The following DHX16 variants were observed in gnomAD, a reference collection of about 807,000 sequenced individuals.
The protein encoded by DHX16 is pre-mRNA-splicing factor ATP-dependent RNA helicase DHX16.
Under a neutral mutation model 131.2 loss-of-function variants are expected in DHX16, and 81 were observed. That is an observed-to-expected ratio of 0.62 (90% CI 0.52 to 0.74). The LOEUF is 0.74. Ranked by LOEUF, DHX16 falls within the 30% of genes least tolerant of loss-of-function variation. The probability of loss-of-function intolerance (pLI) is 0.00; values close to 1 mark genes in which losing one functional copy is unlikely to be tolerated. For synonymous variants in DHX16, 440 were observed against 520.2 expected (o/e 0.85, Z 2.10); for missense variants, 980 against 1,363.1 (o/e 0.72, Z 4.43).
At chr6:30,672,585 C>G (rs1354605283) in intron 1 of DHX16, 50 bp downstream of exon 1, 1 of 1,522,368 alleles carries the variant, frequency 6.6e-7, no homozygotes, top group East Asian at 2.3e-5. Context: ...GACCGTTAGG[C>G]CAGCCTCACC....
intron 19 of DHX16, among the ~76,000 whole-genome samples, chr6:30,653,751 CTAT>C (rs1367922385): frequency 7.0e-6 from 1 of 143,432 alleles, no homozygotes; most frequent in East Asian, 2.0e-4. Context: ...GTGCCTGGCT[CTAT>C]TATTATATAC....
Position 30,664,822 on chromosome 6 carries a change from G to A in DHX16, c.1296C>T (p.Ile432=). The change falls in exon 7 of 20, where the codon ATC becomes ATT. Residue 432 remains isoleucine, a synonymous_variant. Transcript: ENST00000376442. The stretch of plus-strand genomic sequence containing the variant: ...GTACCTCCTCAAAGAGATACTGCGG[G>A]ATCTGGGTGGTCTTCCCTGAGCCTG... The part of the protein sequence containing the change: ...GETGSGKTTQ[I]PQYLFEEGYT... 1.2e-6 allele frequency: 2 copies of A among 1,613,004 alleles called. No individual in the cohort carries two copies. Among genetic ancestry groups the A allele is most frequent in the African/African-American group, 1.3e-5 (1 of 75,060 alleles).
rs757330681 is a variant in DHX16 at position 30,665,159 on chromosome 6, G to A, written c.1037C>T (p.Ala346Val). ...TTGATACTTGGGCTCCTGAGAGGCAGCATCTCGGGCCCCAAACTTCAGGGA... is the reference window on the plus strand; with the variant it reads ...TTGATACTTGGGCTCCTGAGAGGCAACATCTCGGGCCCCAAACTTCAGGGA... ...AASLKFGARD[A>V]ASQEPKYQLV... The change falls in exon 6 of 20, where the codon GCT (alanine) becomes GTT (valine). Residue 346 changes from alanine to valine, a missense_variant. Ala to Val is a moderately conservative substitution (Grantham distance 64). Coordinates refer to ENST00000376442, the MANE Select transcript of DHX16 (RefSeq NM_003587.5). This position sits in a 1 kb window ranked among gnomAD's most constrained non-coding sequence, Gnocchi z 4.8. 28 of 1,613,276 alleles carry A rather than the reference G, an allele frequency of 1.7e-5. No homozygotes were observed. The South Asian group carries it at 1.9e-4, about 11-fold the overall frequency.
At position 30,670,983 on chromosome 6, in the gene DHX16, C is replaced by T. The variant is rs1769484143; in HGVS notation, c.447-31G>A. On this transcript the variant is annotated intron_variant, in intron 2 of 19. Coordinates refer to ENST00000376442, the MANE Select transcript of DHX16 (RefSeq NM_003587.5). This position sits in a 1 kb window ranked among gnomAD's most constrained non-coding sequence, Gnocchi z 4.4. Reference sequence around the variant, plus strand: ...GCCCATCCAGGGGATTAAATAAGGGCATAGAGAACACTTCAGCCTGCCCCA... The same window carrying T: ...GCCCATCCAGGGGATTAAATAAGGGTATAGAGAACACTTCAGCCTGCCCCA... 1 of 1,613,018 alleles carries T rather than the reference C, an allele frequency of 6.2e-7. No individual in the cohort carries two copies. Among genetic ancestry groups the T allele is most frequent in the Non-Finnish European group, 8.5e-7 (1 of 1,179,972 alleles).
At chr6:30,661,319 G>GT (rs1213041149) in intron 9 of DHX16, among the ~76,000 whole-genome samples, 7 of 152,078 alleles carry the variant, frequency 4.6e-5, no homozygotes, top group African/African-American at 1.7e-4. Flanking sequence ...TCCTTACCTC[G>GT]TGATCCGCCT....
rs569626224 is a variant in DHX16 at position 30,662,283 on chromosome 6, C to A, written c.1544+344G>T. The stretch of plus-strand genomic sequence containing the variant: ...CATAAAACAATCTGATCCTTCTTTC[C>A]ATGTAACAGCCTTCACATATTTAGA... On this transcript the variant is annotated intron_variant, in intron 9 of 19. Transcript: ENST00000376442. The surrounding 1 kb of genome is among the most constrained non-coding windows in gnomAD (Gnocchi z 4.7). 4.0e-5 allele frequency among the ~76,000 whole-genome samples: 6 copies of A among 151,152 alleles called. No individual in the cohort carries two copies. Among genetic ancestry groups the A allele is most frequent in the South Asian group, 2.1e-4 (1 of 4,760 alleles).
rs762823018 is a variant in DHX16 at position 30,657,041 on chromosome 6, T to C, written c.2059A>G (p.Ile687Val). The part of the protein sequence containing the change: ...AETSLTIEGI[I>V]YVLDPGFCKQ... ...CAGAACCCTGGATCCAGCACATAAA[T>C]GATGCCCTCAATGGTGAGTGATGTC... The change falls in exon 13 of 20, where the codon ATT becomes GTT. Residue 687 changes from isoleucine to valine, a missense_variant. Coordinates refer to ENST00000376442, the MANE Select transcript of DHX16 (RefSeq NM_003587.5). The C allele has an allele frequency of 6.2e-7, 1 of 1,613,024 alleles. No individual in the cohort carries two copies. The highest frequency in any genetic ancestry group is 8.5e-7 in the Non-Finnish European group (1 of 1,180,002).
intron 4 of DHX16, among the ~76,000 whole-genome samples, chr6:30,666,249 T>C (rs922522828): frequency 6.6e-6 from 1 of 152,194 alleles, no homozygotes; most frequent in African/African-American, 2.4e-5. Context: ...AAACTGATTA[T>C]AAAAAGTTAG....
chr6:30,662,624 T>C lies in DHX16; in HGVS notation c.1544+3A>G, dbSNP rs1220670329. 6.2e-7 allele frequency: 1 copy of C among 1,608,330 alleles called. No individual in the cohort carries two copies. The highest frequency in any genetic ancestry group is 8.5e-7 in the Non-Finnish European group (1 of 1,175,708). ...GGAGAGAAAGGCCAGAGATTAGAGA[T>C]ACCTGTAACTCGCCAGGTCAGGCTC... On this transcript the variant is annotated splice_donor_region_variant and intron_variant, in intron 9 of 19. Transcript: ENST00000376442. This position sits in a 1 kb window ranked among gnomAD's most constrained non-coding sequence, Gnocchi z 4.7.
Position 30,656,378 on chromosome 6 carries a change from T to G in DHX16, c.2430+13A>C. ...TATCATCCTGCCTCCACCCATGCTGTCCCCCGACTCACCGTGGTGAGCTCC... is the reference window on the plus strand; with the variant it reads ...TATCATCCTGCCTCCACCCATGCTGGCCCCCGACTCACCGTGGTGAGCTCC... On this transcript the variant is annotated intron_variant, in intron 15 of 19. Transcript: ENST00000376442. This position sits in a 1 kb window ranked among gnomAD's most constrained non-coding sequence, Gnocchi z 5.1. 6.2e-7 allele frequency: 1 copy of G among 1,612,874 alleles called. No individual in the cohort carries two copies. The highest frequency in any genetic ancestry group is 8.5e-7 in the Non-Finnish European group (1 of 1,179,320).
rs34046923 is a variant in DHX16 at position 30,667,581 on chromosome 6, CAA to C, written c.667-1850_667-1849del. Among the ~76,000 whole-genome samples the C allele has an allele frequency of 1.0e-3, 88 of 87,394 alleles. No individual in the cohort carries two copies. In the East Asian group the frequency reaches 0.011, roughly 11 times the overall value. 57.3% of individuals were successfully genotyped at this position (87,394 alleles called of 152,430 possible). On this transcript the variant is annotated intron_variant, in intron 4 of 19. Coordinates refer to ENST00000376442, the MANE Select transcript of DHX16 (RefSeq NM_003587.5). Reference sequence around the variant, plus strand: ...TGGGCGACAGAGCGAGACTCTGTCTCAAAAAAAAAAAAAAAAAATCACCATTT... The same window carrying C: ...TGGGCGACAGAGCGAGACTCTGTCTCAAAAAAAAAAAAAAAATCACCATTT...
At position 30,660,195 on chromosome 6, in the gene DHX16, ATGTC is replaced by A. The variant is rs1387732245; in HGVS notation, c.1588_1591del (p.Asp530PhefsTer5). 6.4e-7 allele frequency: 1 copy of A among 1,563,966 alleles called. No homozygotes were observed. On this transcript the variant is annotated frameshift_variant, in exon 10 of 20. Transcript: ENST00000376442. LOFTEE classifies it high-confidence loss of function. The stretch of plus-strand genomic sequence containing the variant: ...AACATCCTTGATCAATCCAAAGAGA[ATGTC>A]TGTGTGTAGGGTCCTTTCGTGTGCC...
In DHX16 at chr6:30,659,499, G is replaced by A; in HGVS notation, c.1980C>T (p.Phe660=). 6.2e-7 allele frequency: 1 copy of A among 1,601,656 alleles called. No individual in the cohort carries two copies. ...NLPSDMQARI[F]QPTPPGARKV... ...TTCGTGCCCCAGGTGGTGTGGGCTGGAAGATACGGGCCTGCATGTCAGAGG... is the reference window on the plus strand; with the variant it reads ...TTCGTGCCCCAGGTGGTGTGGGCTGAAAGATACGGGCCTGCATGTCAGAGG... The change falls in exon 12 of 20, where the codon TTC becomes TTT. Residue 660 remains phenylalanine (F), a synonymous_variant. Coordinates refer to ENST00000376442, the MANE Select transcript of DHX16 (RefSeq NM_003587.5).
Position 30,671,220 on chromosome 6 carries a change from G to C in DHX16, c.262C>G (p.Arg88Gly), listed in dbSNP as rs765108722. The change falls in exon 2 of 20, where the codon CGG becomes GGG. Residue 88 changes from arginine (R) to glycine (G), a missense_variant. This residue lies in a region of DHX16 where 457 missense variants were observed against 554.8 expected (regional missense o/e 0.82). Transcript: ENST00000376442. ...GATCGGTTCTTCTCCAGCAGGGCCC[G>C]GGCCTCTCGCTCTGCTGCCCGAGCT... ...KPARAAEREARALLEKNRSYR... is the reference protein window; with the variant it reads ...KPARAAEREAGALLEKNRSYR... 1 of 1,612,956 alleles carries C rather than the reference G, an allele frequency of 6.2e-7. No individual in the cohort carries two copies. Among genetic ancestry groups the C allele is most frequent in the Non-Finnish European group, 8.5e-7 (1 of 1,180,006 alleles).
At chr6:30,664,745 G>T in intron 7 of DHX16, 56 bp downstream of exon 7, 1 of 1,482,670 alleles carries the variant, frequency 6.7e-7, no homozygotes, top group Non-Finnish European at 9.3e-7. Context: ...GCTCTGACAG[G>T]AATGAGGACA....
rs755602303 is a variant in DHX16 at position 30,670,825 on chromosome 6, G to C, written c.574C>G (p.Arg192Gly). The C allele has an allele frequency of 6.2e-7, 1 of 1,612,974 alleles. No individual in the cohort carries two copies. The highest frequency in any genetic ancestry group is 2.2e-5 in the East Asian group (1 of 44,882). The part of the protein sequence containing the change: ...AERVRQRDKD[R>G]TRNVLERSDK... ...GACCGTTCCAGGACATTTCGAGTCC[G>C]ATCCTTGTCCCGCTGTCGAACCCGC... Residue 192 changes from arginine (R) to glycine (G), a missense_variant, in exon 3 of 20, where the codon CGG becomes GGG. Physicochemically the swap from Arg to Gly is moderately radical, Grantham distance 125 (BLOSUM62 -2). This residue lies in a region of DHX16 where 457 missense variants were observed against 554.8 expected (regional missense o/e 0.82). Transcript: ENST00000376442. The surrounding 1 kb of genome is among the most constrained non-coding windows in gnomAD (Gnocchi z 4.4).
At chr6:30,654,458 G>A (rs150574883) in intron 19 of DHX16, among the ~76,000 whole-genome samples, 413 of 152,080 alleles carry the variant, frequency 2.7e-3, no homozygotes, top group African/African-American at 9.3e-3. Flanking sequence ...GCTGAGGCAT[G>A]AGAATCTCTT....
At chr6:30,655,694 A>G in intron 16 of DHX16, 97 bp from the exon 17 acceptor site, 2 of 1,411,982 alleles carry the variant, frequency 1.4e-6, no homozygotes, top group Non-Finnish European at 1.9e-6. Flanking sequence ...ATGTTTCCTC[A>G]TGTGGGGAAG....
intron 4 of DHX16, among the ~76,000 whole-genome samples, chr6:30,666,637 G>A (rs141396786): frequency 5.9e-5 from 9 of 152,180 alleles, no homozygotes; most frequent in Non-Finnish European, 1.2e-4. Flanking sequence ...GTGAAATCCC[G>A]TCTCTACTGA....
Sources: gnomAD v4.1 joint callset for allele counts (sites outside exome capture counted in the v4.1 genomes callset) on GRCh38, gnomAD v4.1.1 for gene constraint, gnomAD v4.1.1 regional missense constraint, Gnocchi (gnomAD v3.1) non-coding constraint, MANE v1.5 for transcripts, NCBI Gene and HGNC (gene_info 2026-07-23, HGNC 2026-07-21) for gene names.